UBTD1: variants seen among roughly 807,000 people sequenced by gnomAD.
The protein encoded by UBTD1 is ubiquitin domain-containing protein 1.
Under a neutral mutation model 21.7 loss-of-function variants are expected in UBTD1, and 19 were observed. The observed-to-expected ratio is 0.87, with a 90% CI of 0.61 to 1.28. UBTD1 has a LOEUF of 1.28. Among genes scored for constraint, UBTD1 ranks in the 50% most tolerant of loss-of-function variants. UBTD1 has a pLI of 0.00. For synonymous variants in UBTD1, 116 were observed against 135.1 expected (o/e 0.86, Z 0.98); for missense variants, 282 against 315.1 (o/e 0.89, Z 0.80).
At chr10:97,504,418 T>C (rs2040390230) in intron 1 of UBTD1, among the ~76,000 whole-genome samples, 1 of 152,270 alleles carries the variant, frequency 6.6e-6, no homozygotes, top group East Asian at 1.9e-4. Context: ...CATCTCATGC[T>C]CTCCATCACC....
chr10:97,539,051 T>C (rs907508651), intron 1 of UBTD1, among the ~76,000 whole-genome samples: 1 of 152,144 alleles, frequency 6.6e-6, no homozygotes, highest in Admixed American at 6.5e-5. Flanking sequence ...GCCTGAGGTG[T>C]CCCAGTTCAG....
intron 1 of UBTD1, among the ~76,000 whole-genome samples, chr10:97,536,055 C>T (rs972516609): frequency 6.6e-6 from 1 of 150,386 alleles, no homozygotes; most frequent in Non-Finnish European, 1.5e-5. Context: ...TGCAGTGGTG[C>T]GATCTCAGCT....
At chr10:97,526,818 G>A (rs1225060403) in intron 1 of UBTD1, among the ~76,000 whole-genome samples, 2 of 141,470 alleles carry the variant, frequency 1.4e-5, no homozygotes, top group Admixed American at 7.6e-5. Context: ...TCACGCCACT[G>A]CACTCCAGCC....
intron 1 of UBTD1, among the ~76,000 whole-genome samples, chr10:97,522,215 G>A (rs574251869): frequency 2.9e-4 from 44 of 152,360 alleles, no homozygotes; most frequent in Non-Finnish European, 5.6e-4. Flanking sequence ...ATGTGGGGTC[G>A]TTCCACTTAG....
At chr10:97,524,243 C>T (rs1430874674) in intron 1 of UBTD1, among the ~76,000 whole-genome samples, 2 of 151,910 alleles carry the variant, frequency 1.3e-5, no homozygotes, top group Admixed American at 6.6e-5. Context: ...CATAGGCATG[C>T]GCCACCATCC....
chr10:97,512,864 C>G (rs1199242455), intron 1 of UBTD1, among the ~76,000 whole-genome samples: 1 of 152,234 alleles, frequency 6.6e-6, no homozygotes, highest in Admixed American at 6.5e-5. Context: ...GAGAGACTTC[C>G]GCCCAAAGGC....
chr10:97,517,412 C>A (rs1433412527), intron 1 of UBTD1, among the ~76,000 whole-genome samples: 2 of 152,142 alleles, frequency 1.3e-5, no homozygotes, highest in East Asian at 3.9e-4. Flanking sequence ...GGCTCCTGGG[C>A]CCACCAGCTC....
intron 1 of UBTD1, among the ~76,000 whole-genome samples, chr10:97,502,330 A>G (rs1033724243): frequency 1.3e-5 from 2 of 152,190 alleles, no homozygotes; most frequent in Admixed American, 6.5e-5. Flanking sequence ...TCTTAACTCC[A>G]CAGTGCACCT....
chr10:97,500,227 C>G (rs1564732881), intron 1 of UBTD1, among the ~76,000 whole-genome samples: 1 of 152,240 alleles, frequency 6.6e-6, no homozygotes, highest in African/African-American at 2.4e-5. Flanking sequence ...CTCTCCCACC[C>G]CATTGCCACA....
intron 1 of UBTD1, among the ~76,000 whole-genome samples, chr10:97,500,750 G>GT (rs1320394169): frequency 6.6e-6 from 1 of 152,018 alleles, no homozygotes; most frequent in African/African-American, 2.4e-5. Context: ...TTGACATTCT[G>GT]TTTTTTCTCT....
At chr10:97,554,247 G>GTTTTT (rs71007352) in intron 1 of UBTD1, among the ~76,000 whole-genome samples, 2 of 134,864 alleles carry the variant, frequency 1.5e-5, no homozygotes, top group Non-Finnish European at 3.1e-5. Context: ...GTTTGTTTTC[G>GTTTTT]TTTTTTTTTT....
intron 1 of UBTD1, among the ~76,000 whole-genome samples, chr10:97,520,525 G>T (rs1197205876): frequency 6.6e-6 from 1 of 152,104 alleles, no homozygotes; most frequent in Non-Finnish European, 1.5e-5. Flanking sequence ...ATACTACAAA[G>T]GTAAGAATAA....
intron 1 of UBTD1, among the ~76,000 whole-genome samples, chr10:97,505,577 T>C (rs959681774): frequency 2.6e-5 from 4 of 152,238 alleles, no homozygotes; most frequent in Non-Finnish European, 5.9e-5. Context: ...GGCTACACAG[T>C]GTGCTCAGAT....
chr10:97,558,866 G>A (rs1589883008), intron 1 of UBTD1, among the ~76,000 whole-genome samples: 1 of 152,086 alleles, frequency 6.6e-6, no homozygotes, highest in Non-Finnish European at 1.5e-5. Flanking sequence ...CTCGTTTTAC[G>A]ATGTCTTATT....
chr10:97,520,004 G>A (rs2040460438), intron 1 of UBTD1, among the ~76,000 whole-genome samples: 1 of 152,196 alleles, frequency 6.6e-6, no homozygotes, highest in African/African-American at 2.4e-5. Flanking sequence ...CTGGGACCTT[G>A]TAGCTTAGTG....
rs140407512 is a variant in UBTD1, at chr10:97,521,242, T to A, written c.70+21969T>A. 1.7e-3 allele frequency among the ~76,000 whole-genome samples: 257 copies of A among 152,316 alleles called. 2 individuals carry two copies. The highest frequency in any genetic ancestry group is 5.9e-3 in the African/African-American group (247 of 41,568). Reference sequence around the variant, plus strand: ...TGAACTCAATGCAAATGATGGTTGGTAAGGTGAGACTCTGCTGGGTGGGCA... The same window carrying A: ...TGAACTCAATGCAAATGATGGTTGGAAAGGTGAGACTCTGCTGGGTGGGCA... On this transcript the variant is annotated intron_variant, in intron 1 of 2. Transcript: ENST00000370664.
intron 1 of UBTD1, among the ~76,000 whole-genome samples, chr10:97,541,728 ATTTTTTTTT>A (rs975827062): frequency 1.0e-5 from 1 of 98,890 alleles, no homozygotes; most frequent in Non-Finnish European, 2.0e-5. Flanking sequence ...GTCCTCTCTG[ATTTTTTTTT>A]TTTTTTTTTT....
chr10:97,546,115 C>T (rs1009429809), intron 1 of UBTD1, among the ~76,000 whole-genome samples: 3 of 152,162 alleles, frequency 2.0e-5, no homozygotes, highest in African/African-American at 4.8e-5. Flanking sequence ...TAGCTTCATC[C>T]AACAGTGGAA....
intron 1 of UBTD1, among the ~76,000 whole-genome samples, chr10:97,546,823 T>G (rs755547397): frequency 1.3e-5 from 2 of 152,152 alleles, no homozygotes; most frequent in Non-Finnish European, 2.9e-5. Flanking sequence ...ATATTCTAGT[T>G]ATAATTCAGC....
Sources: gnomAD v4.1 joint callset for allele counts (sites outside exome capture counted in the v4.1 genomes callset) on GRCh38, gnomAD v4.1.1 for gene constraint, MANE v1.5 for transcripts, NCBI Gene and HGNC (gene_info 2026-07-23, HGNC 2026-07-21) for gene names.